The following CALN1 variants were observed in gnomAD, a reference collection of about 807,000 sequenced individuals.
CALN1 encodes calcium-binding protein 8.
In CALN1, 17 loss-of-function variants were observed where a neutral mutation model predicts 30.6. That is an observed-to-expected ratio of 0.56 (90% CI 0.38 to 0.83). The LOEUF is 0.83. Among genes scored for constraint, CALN1 ranks in the 40% least tolerant of loss-of-function variants. The probability of loss-of-function intolerance (pLI) is 0.00; values close to 1 mark genes in which losing one functional copy is unlikely to be tolerated. For synonymous variants in CALN1, 156 were observed against 131.4 expected, an observed-to-expected ratio of 1.19 and a Z score of -1.28; for missense variants, 291 against 354.9, an observed-to-expected ratio of 0.82 and a Z score of 1.45.
the CALN1 span, among the ~76,000 whole-genome samples, chr7:72,475,624 A>G: frequency 6.6e-6 from 1 of 152,228 alleles, no homozygotes; most frequent in African/African-American, 2.4e-5. Context: ...GAAGATTTTC[A>G]TGAGCCCCCT....
At chr7:72,366,772 T>C (rs747169804) in intron 2 of CALN1, among the ~76,000 whole-genome samples, 1 of 152,120 alleles carries the variant, frequency 6.6e-6, no homozygotes, top group Non-Finnish European at 1.5e-5. Context: ...TTATTCAAAG[T>C]TGCATCTAAA....
rs1286446812 is a variant in CALN1, at chr7:72,323,024, G to A, written c.120-44214C>T. 1.6e-4 allele frequency among the ~76,000 whole-genome samples: 23 copies of A among 146,494 alleles called. 1 individual carries two copies. In the South Asian group the frequency reaches 2.0e-3, roughly 12 times the overall value. On this transcript the variant is annotated intron_variant, in intron 2 of 6. Transcript: ENST00000395275. ...GGGAGGGGAGGGGAGGGGAAGGCACGCAAAAAAACCAATTTGTAATTCAAA... is the reference window on the plus strand; with the variant it reads ...GGGAGGGGAGGGGAGGGGAAGGCACACAAAAAAACCAATTTGTAATTCAAA...
At chr7:72,345,909 A>C (rs572324398) in intron 2 of CALN1, among the ~76,000 whole-genome samples, 2 of 152,320 alleles carry the variant, frequency 1.3e-5, no homozygotes, top group South Asian at 4.1e-4. Flanking sequence ...GTGGCATTTA[A>C]GCAAAAATCA....
rs3032250 is a variant in CALN1 at position 72,278,008 on chromosome 7, CG to C, written c.244+677del. Among the ~76,000 whole-genome samples, 131 of 48,940 alleles carry C rather than the reference CG, an allele frequency of 2.7e-3. 1 individual carries two copies. The highest frequency in any genetic ancestry group is 2.9e-3 in the Non-Finnish European group (73 of 25,480). The allele number at this position is 48,940 out of a possible 152,430, so 32.1% of individuals were successfully genotyped here. A position where few individuals can be genotyped will look rare whatever the true frequency, so the allele number is the denominator to read the frequency against. ...GCCAAATCAACCTAATCCTCTATTC[CG>C]GGGGGGGGGGACTTGTTTTTCCTAT... is the stretch of plus-strand genomic sequence containing the variant. On this transcript the variant is annotated intron_variant, in intron 3 of 6. Coordinates refer to ENST00000395275, the MANE Select transcript of CALN1 (RefSeq NM_031468.4).
At chr7:71,975,888 G>C (rs1395461368) in intron 5 of CALN1, among the ~76,000 whole-genome samples, 1 of 150,296 alleles carries the variant, frequency 6.7e-6, no homozygotes, top group Non-Finnish European at 1.5e-5. Context: ...CATTAGGTTA[G>C]GTTGGTGCCA....
At chr7:72,188,282 T>C (rs778976028) in intron 3 of CALN1, among the ~76,000 whole-genome samples, 14 of 152,074 alleles carry the variant, frequency 9.2e-5, no homozygotes, top group Non-Finnish European at 1.6e-4. Context: ...TGTACATAAA[T>C]ACACACATAT....
At chr7:72,093,219 A>G (rs1480212295) in intron 4 of CALN1, among the ~76,000 whole-genome samples, 3 of 152,188 alleles carry the variant, frequency 2.0e-5, no homozygotes, top group Admixed American at 6.5e-5. Context: ...AATACTTAAT[A>G]TTGGTCAAAA....
intron 1 of CALN1, 140 bp downstream of exon 1, chr7:72,411,916 AAG>A (rs1562958611): frequency 2.6e-5 from 4 of 152,334 alleles, no homozygotes; most frequent in South Asian, 4.1e-4. Context: ...TAAACCGATA[AAG>A]AAAAAATCAT....
chr7:72,153,918 A>G (rs1170306310), intron 3 of CALN1, among the ~76,000 whole-genome samples: 3 of 152,108 alleles, frequency 2.0e-5, no homozygotes, highest in African/African-American at 7.2e-5. Flanking sequence ...AGTGCTCTTG[A>G]CATGAGACTT....
Position 71,796,071 on chromosome 7 carries a change from C to T in CALN1, c.659-8169G>A, listed in dbSNP as rs368314002. On this transcript the variant is annotated intron_variant, in intron 6 of 6. Transcript: ENST00000395275. ...CAATCTCCTGACCTCGTGATCCACC[C>T]GCCTTGGCCTCCCAAAGTGCTGGGA... Among the ~76,000 whole-genome samples, 6 of 152,028 alleles carry T rather than the reference C, an allele frequency of 3.9e-5. No homozygotes were observed. In the East Asian group the frequency reaches 5.8e-4, roughly 15 times the overall value.
At chr7:72,378,526 T>G (rs1365215075) in intron 2 of CALN1, among the ~76,000 whole-genome samples, 4 of 152,228 alleles carry the variant, frequency 2.6e-5, no homozygotes, top group Non-Finnish European at 5.9e-5. Flanking sequence ...CTTTCACTGA[T>G]GTCACTCTCT....
At chr7:71,792,015 A>G (rs111458514) in intron 6 of CALN1, among the ~76,000 whole-genome samples, 1 of 147,340 alleles carries the variant, frequency 6.8e-6, no homozygotes, top group Non-Finnish European at 1.5e-5. Context: ...TCTCAAAAAA[A>G]GAAAAAAAAA....
chr7:72,333,010 A>C (rs1260776800), intron 2 of CALN1, among the ~76,000 whole-genome samples: 1 of 152,128 alleles, frequency 6.6e-6, no homozygotes, highest in African/African-American at 2.4e-5. Flanking sequence ...ACCATCTATC[A>C]TTCTGGTCAC....
At chr7:72,063,380 T>C (rs1803797877) in intron 4 of CALN1, among the ~76,000 whole-genome samples, 1 of 152,230 alleles carries the variant, frequency 6.6e-6, no homozygotes, top group Non-Finnish European at 1.5e-5. Flanking sequence ...ATAAGTCTCT[T>C]GGGAAAGTTT....
intron 2 of CALN1, among the ~76,000 whole-genome samples, chr7:72,322,644 G>A (rs1356002144): frequency 6.6e-6 from 1 of 152,066 alleles, no homozygotes; most frequent in Non-Finnish European, 1.5e-5. Flanking sequence ...AGAGTAGAAG[G>A]ATGGTTTCCA....
chr7:72,372,026 T>A (rs1341254273), intron 2 of CALN1, among the ~76,000 whole-genome samples: 1 of 152,208 alleles, frequency 6.6e-6, no homozygotes, highest in Non-Finnish European at 1.5e-5. Context: ...GAGATTGAAT[T>A]CAATATCGCC....
chr7:72,018,935 C>G (rs1399067522), intron 5 of CALN1, among the ~76,000 whole-genome samples: 40 of 152,112 alleles, frequency 2.6e-4, no homozygotes, highest in Admixed American at 2.6e-3. Flanking sequence ...CTCCCAGAAT[C>G]AGATGATTCT....
At chr7:72,346,759 ACC>A (rs1222910311) in intron 2 of CALN1, among the ~76,000 whole-genome samples, 2 of 151,970 alleles carry the variant, frequency 1.3e-5, no homozygotes, top group Admixed American at 6.6e-5. Flanking sequence ...CAAGTGATCC[ACC>A]CGCCTTGGCC....
At chr7:72,351,946 T>C (rs1011090674) in intron 2 of CALN1, among the ~76,000 whole-genome samples, 1 of 152,168 alleles carries the variant, frequency 6.6e-6, no homozygotes, top group Non-Finnish European at 1.5e-5. Context: ...TCATAAAAGA[T>C]AGACTCTGTA....
Sources: gnomAD v4.1 joint callset for allele counts (sites outside exome capture counted in the v4.1 genomes callset) on GRCh38, gnomAD v4.1.1 for gene constraint, MANE v1.5 for transcripts, NCBI Gene and HGNC (gene_info 2026-07-23, HGNC 2026-07-21) for gene names.